Variants in ARAP2 observed in about 807,000 individuals in gnomAD.
The protein encoded by ARAP2 is arf-GAP with Rho-GAP domain, ANK repeat and PH domain-containing protein 2.
A neutral mutation model predicts 194.5 loss-of-function variants in ARAP2; 148 were observed. The observed-to-expected ratio is 0.76, with a 90% CI of 0.67 to 0.87. The LOEUF (loss-of-function observed/expected upper bound fraction) is 0.87. Among genes scored for constraint, ARAP2 ranks in the 40% least tolerant of loss-of-function variants. The pLI, the probability that ARAP2 is intolerant of heterozygous loss-of-function variation, is 0.00. For synonymous variants in ARAP2, 695 were observed against 683.5 expected (o/e 1.02, Z -0.26); for missense variants, 2,128 against 1,989.7 (o/e 1.07, Z -1.32).
At chr4:36,165,644 G>T (rs1735119329) in intron 10 of ARAP2, among the ~76,000 whole-genome samples, 1 of 151,680 alleles carries the variant, frequency 6.6e-6, no homozygotes, top group Non-Finnish European at 1.5e-5. Context: ...AGTTTTAAGT[G>T]GTTACTATTC....
At chr4:36,218,364 G>C (rs1406891986) in intron 2 of ARAP2, among the ~76,000 whole-genome samples, 1 of 151,926 alleles carries the variant, frequency 6.6e-6, no homozygotes, top group Non-Finnish European at 1.5e-5. Context: ...AATAAGTATT[G>C]GGTACTAGGC....
chr4:36,014,552 A>C (rs1413498854), intron 8 of ARAP2, among the ~76,000 whole-genome samples: 3 of 152,186 alleles, frequency 2.0e-5, no homozygotes, highest in Admixed American at 6.5e-5. Context: ...TAAATTATTA[A>C]AGCAAATAAA....
At chr4:36,159,985 C>T (rs993754229) in intron 13 of ARAP2, 7 of 707,720 alleles carry the variant, frequency 9.9e-6, no homozygotes, top group Admixed American at 6.3e-5. Context: ...GGATCTTCCC[C>T]TCAGGGGCCG....
intron 1 of ARAP2, among the ~76,000 whole-genome samples, chr4:36,236,338 A>G (rs1316840632): frequency 6.6e-6 from 1 of 152,208 alleles, no homozygotes; most frequent in East Asian, 1.9e-4. Context: ...AAAGCAAACA[A>G]CTGAAAACCA....
intron 6 of ARAP2, among the ~76,000 whole-genome samples, chr4:36,207,773 C>T (rs10018693): frequency 0.89 from 134,607 of 152,044 alleles, 59,809 homozygotes; most frequent in East Asian, 1. Context: ...AAGGGGGAAA[C>T]AATTGTTAAA....
chr4:36,210,684 G>A lies in ARAP2; in HGVS notation c.1193C>T (p.Pro398Leu). The A allele has an allele frequency of 6.2e-7, 1 of 1,612,834 alleles. No individual in the cohort carries two copies. Among genetic ancestry groups the A allele is most frequent in the Non-Finnish European group, 8.5e-7 (1 of 1,179,666 alleles). Reference sequence around the variant, plus strand: ...CAAAAAATTGTTTTTGTCCTCTCGAGGTATCCAAATATCTTCCACCTTGTC... The same window carrying A: ...CAAAAAATTGTTTTTGTCCTCTCGAAGTATCCAAATATCTTCCACCTTGTC... ...SEDKVEDIWI[P>L]REDKNNFLID... is the part of the protein sequence containing the mutation. Residue 398 changes from proline to leucine, a missense_variant, in exon 6 of 33, where the codon CCT becomes CTT. Physicochemically the swap from Pro to Leu is moderately conservative, Grantham distance 98 (BLOSUM62 -3). Transcript: ENST00000303965.
intron 32 of ARAP2, among the ~76,000 whole-genome samples, chr4:36,072,260 T>G (rs2109312990): frequency 6.6e-6 from 1 of 152,248 alleles, no homozygotes; most frequent in South Asian, 2.1e-4. Flanking sequence ...TTTTAAAGAC[T>G]CAGAAATTTT....
intron 27 of ARAP2, among the ~76,000 whole-genome samples, chr4:36,104,540 A>C (rs1465218617): frequency 6.6e-6 from 1 of 152,010 alleles, no homozygotes; most frequent in African/African-American, 2.4e-5. Flanking sequence ...GTCTATCACA[A>C]AGTATGCCCC....
chr4:36,117,951 A>T (rs1721766848), intron 24 of ARAP2, among the ~76,000 whole-genome samples: 1 of 151,448 alleles, frequency 6.6e-6, no homozygotes, highest in African/African-American at 2.4e-5. Flanking sequence ...AAGTTCCCTT[A>T]AGTTATGTAA....
chr4:36,056,628 T>G (rs1723563635), intron 2 of ARAP2, among the ~76,000 whole-genome samples: 1 of 152,212 alleles, frequency 6.6e-6, no homozygotes, highest in Admixed American at 6.5e-5. Context: ...TAGTTTTGTA[T>G]GTAATTACTG....
chr4:36,161,630 T>C (rs1733974941), intron 11 of ARAP2, 80 bp from the exon 12 acceptor site: 2 of 1,119,100 alleles, frequency 1.8e-6, no homozygotes, highest in Non-Finnish European at 1.3e-6. Flanking sequence ...AAAGTGCATA[T>C]GTCTGTGTAT....
chr4:36,073,297 T>C (rs983389853), intron 32 of ARAP2, among the ~76,000 whole-genome samples: 2 of 152,138 alleles, frequency 1.3e-5, no homozygotes, highest in African/African-American at 4.8e-5. Context: ...AGCACTGGAA[T>C]GTGATTATAT....
chr4:36,228,064 G>A (rs572774013), intron 2 of ARAP2, among the ~76,000 whole-genome samples: 7 of 152,060 alleles, frequency 4.6e-5, no homozygotes, highest in Non-Finnish European at 8.8e-5. Flanking sequence ...ACTTCTATAC[G>A]AGACTGCAAG....
At chr4:36,018,955 G>A (rs966180712) in intron 6 of ARAP2, among the ~76,000 whole-genome samples, 3 of 137,634 alleles carry the variant, frequency 2.2e-5, no homozygotes, top group Admixed American at 2.0e-4. Flanking sequence ...AAAGAAAAAT[G>A]GCATATAGGC....
At chr4:36,092,717 T>C (rs775067582) in intron 27 of ARAP2, among the ~76,000 whole-genome samples, 11 of 152,196 alleles carry the variant, frequency 7.2e-5, no homozygotes, top group Non-Finnish European at 1.5e-4. Context: ...ATACTGGTAA[T>C]TTTACCTGTT....
intron 24 of ARAP2, among the ~76,000 whole-genome samples, chr4:36,118,131 G>T (rs986638926): frequency 2.0e-5 from 3 of 151,124 alleles, no homozygotes; most frequent in African/African-American, 7.3e-5. Flanking sequence ...AATTTTTCTG[G>T]CATTACAGGC....
intron 1 of ARAP2, among the ~76,000 whole-genome samples, chr4:36,059,407 C>A (rs928225221): frequency 2.0e-5 from 3 of 152,106 alleles, no homozygotes; most frequent in Non-Finnish European, 4.4e-5. Flanking sequence ...AGCTAGACCT[C>A]CTGGGTTTGA....
chr4:36,132,256 C>A (rs1213062148), intron 20 of ARAP2, among the ~76,000 whole-genome samples: 3 of 151,678 alleles, frequency 2.0e-5, no homozygotes, highest in Admixed American at 6.6e-5. Flanking sequence ...GACTGGCATA[C>A]AACAAGCACT....
At chr4:36,049,138 T>G (rs771767451) in intron 3 of ARAP2, among the ~76,000 whole-genome samples, 2 of 152,034 alleles carry the variant, frequency 1.3e-5, no homozygotes, top group Non-Finnish European at 2.9e-5. Context: ...TTTTTATCTA[T>G]TTCTGTAAAA....
Sources: gnomAD v4.1 joint callset for allele counts (sites outside exome capture counted in the v4.1 genomes callset) on GRCh38, gnomAD v4.1.1 for gene constraint, MANE v1.5 for transcripts, NCBI Gene and HGNC (gene_info 2026-07-23, HGNC 2026-07-21) for gene names.